Variants in FGF12 observed in about 807,000 individuals in gnomAD.
The protein encoded by FGF12 is fibroblast growth factor 12.
Under a neutral mutation model 23.6 loss-of-function variants are expected in FGF12, and 14 were observed. The observed-to-expected ratio is 0.59, with a 90% CI of 0.39 to 0.93. FGF12 has a LOEUF of 0.93. FGF12 is among the 40% of genes least tolerant of loss of function. FGF12 has a pLI of 0.00. For missense variants in FGF12, 175 were observed against 217.8 expected, an observed-to-expected ratio of 0.80 and a Z score of 1.24; for synonymous variants, 62 against 77.3, an observed-to-expected ratio of 0.80 and a Z score of 1.04.
At chr3:192,177,033 C>T (rs1246110316) in intron 4 of FGF12, among the ~76,000 whole-genome samples, 1 of 152,144 alleles carries the variant, frequency 6.6e-6, no homozygotes, top group Non-Finnish European at 1.5e-5. Context: ...ATAATTATGT[C>T]AAGACATCAA....
chr3:192,300,076 A>G (rs1397675272), intron 4 of FGF12, among the ~76,000 whole-genome samples: 1 of 152,144 alleles, frequency 6.6e-6, no homozygotes, highest in East Asian at 1.9e-4. Flanking sequence ...GCCAATAGAA[A>G]CTCTGGCAAA....
chr3:192,530,626 G>A (rs1725063273), intron 2 of FGF12, among the ~76,000 whole-genome samples: 1 of 152,124 alleles, frequency 6.6e-6, no homozygotes, highest in Non-Finnish European at 1.5e-5. Flanking sequence ...ACTTTTAGTA[G>A]AAAGCTTTTG....
In FGF12 at chr3:192,673,431, G is replaced by A. The variant is rs571658829; in HGVS notation, c.13+53750C>T. Among the ~76,000 whole-genome samples, 68 of 151,158 alleles carry A rather than the reference G, an allele frequency of 4.5e-4. 2 individuals are homozygous for A. Among genetic ancestry groups the A allele is most frequent in the Admixed American group, 1.6e-3 (24 of 15,090 alleles). ...TGGGATACATGTGTAGAACGTGCAG[G>A]TTGGTTACATAGGTAAACGTATGCC... On this transcript the variant is annotated intron_variant, in intron 2 of 5. Transcript: ENST00000445105.
chr3:192,593,259 A>T (rs1713699782), intron 2 of FGF12, among the ~76,000 whole-genome samples: 1 of 151,326 alleles, frequency 6.6e-6, no homozygotes, highest in Non-Finnish European at 1.5e-5. Flanking sequence ...CATTGCTTAG[A>T]CTCCAGATAT....
At chr3:192,717,664 A>G (rs537257384) in intron 2 of FGF12, among the ~76,000 whole-genome samples, 1 of 152,362 alleles carries the variant, frequency 6.6e-6, no homozygotes, top group South Asian at 2.1e-4. Flanking sequence ...AACTCCACTT[A>G]TAATTCAATC....
At chr3:192,270,205 A>G (rs1713345959) in intron 4 of FGF12, among the ~76,000 whole-genome samples, 1 of 152,100 alleles carries the variant, frequency 6.6e-6, no homozygotes, top group South Asian at 2.1e-4. Context: ...GCTTTTCCTG[A>G]TGGTCTTGAA....
intron 2 of FGF12, among the ~76,000 whole-genome samples, chr3:192,523,830 G>A (rs545538748): frequency 1.3e-5 from 2 of 152,302 alleles, no homozygotes; most frequent in African/African-American, 4.8e-5. Flanking sequence ...GAAGCCTGTG[G>A]TAATGATAGC....
intron 5 of FGF12, among the ~76,000 whole-genome samples, chr3:192,169,134 A>G (rs1261945964): frequency 6.6e-6 from 1 of 152,182 alleles, no homozygotes; most frequent in Non-Finnish European, 1.5e-5. Flanking sequence ...TGAGGTCAGG[A>G]GTTTGAGACC....
chr3:192,160,271 T>C (rs1016914767), intron 5 of FGF12, among the ~76,000 whole-genome samples: 1 of 152,152 alleles, frequency 6.6e-6, no homozygotes, highest in African/African-American at 2.4e-5. Flanking sequence ...GTCCTGAAGG[T>C]GGTTACAAGC....
chr3:192,402,696 G>A (rs530299886), intron 2 of FGF12, among the ~76,000 whole-genome samples: 36 of 152,278 alleles, frequency 2.4e-4, no homozygotes, highest in African/African-American at 8.4e-4. Flanking sequence ...TCAGCAGACT[G>A]CTATAAAAAG....
intron 4 of FGF12, among the ~76,000 whole-genome samples, chr3:192,172,069 A>T (rs1339575603): frequency 6.6e-6 from 1 of 152,052 alleles, no homozygotes; most frequent in African/African-American, 2.4e-5. Context: ...TTCCAACATT[A>T]TAGACGAAGA....
chr3:192,486,783 T>C (rs1723647947), intron 2 of FGF12, among the ~76,000 whole-genome samples: 1 of 152,040 alleles, frequency 6.6e-6, no homozygotes, highest in African/African-American at 2.4e-5. Context: ...GTGGGTAAGA[T>C]GGCTAGATGT....
intron 2 of FGF12, among the ~76,000 whole-genome samples, chr3:192,392,510 C>T (rs968537429): frequency 6.6e-6 from 1 of 151,310 alleles, no homozygotes; most frequent in Admixed American, 6.6e-5. Flanking sequence ...GCAGGAGAAT[C>T]GTTTGAACTC....
intron 4 of FGF12, among the ~76,000 whole-genome samples, chr3:192,171,049 C>T (rs1490543423): frequency 6.6e-6 from 1 of 152,204 alleles, no homozygotes; most frequent in African/African-American, 2.4e-5. Context: ...AATATAACCA[C>T]AGCAAACACA....
chr3:192,573,707 C>A (rs1030559634), intron 2 of FGF12, among the ~76,000 whole-genome samples: 28 of 152,120 alleles, frequency 1.8e-4, no homozygotes, highest in African/African-American at 5.3e-4. Flanking sequence ...TAACATAATA[C>A]CTATTTTACG....
At chr3:192,579,998 GT>G (rs1197357097) in intron 2 of FGF12, among the ~76,000 whole-genome samples, 1 of 152,210 alleles carries the variant, frequency 6.6e-6, no homozygotes, top group Non-Finnish European at 1.5e-5. Flanking sequence ...CTCATAGGCA[GT>G]AGAGAGAAAT....
chr3:192,493,848 C>T (rs1429481765), intron 2 of FGF12, among the ~76,000 whole-genome samples: 1 of 152,088 alleles, frequency 6.6e-6, no homozygotes, highest in Non-Finnish European at 1.5e-5. Context: ...CCCACCAGGC[C>T]CCACCTCCAG....
At chr3:192,220,331 T>C (rs1440251907) in intron 4 of FGF12, among the ~76,000 whole-genome samples, 1 of 152,154 alleles carries the variant, frequency 6.6e-6, no homozygotes, top group Admixed American at 6.6e-5. Flanking sequence ...TACTTCCCTA[T>C]TAACTTTAAA....
chr3:192,436,505 C>A (rs527769124), intron 2 of FGF12, among the ~76,000 whole-genome samples: 24 of 152,250 alleles, frequency 1.6e-4, no homozygotes, highest in Non-Finnish European at 3.1e-4. Flanking sequence ...GTGGGGCCCA[C>A]AATTGGAAAA....
Sources: allele counts gnomAD v4.1 joint callset (sites outside exome capture counted in the v4.1 genomes callset), GRCh38; gene constraint gnomAD v4.1.1; transcripts MANE v1.5; gene names NCBI Gene and HGNC (gene_info 2026-07-23, HGNC 2026-07-21).